CLCC1: variants seen among roughly 807,000 people sequenced by gnomAD.
CLCC1 encodes chloride channel CLIC-like protein 1.
Under a neutral mutation model 63.3 loss-of-function variants are expected in CLCC1, and 39 were observed. The observed-to-expected ratio is 0.62, with a 90% CI of 0.48 to 0.81. The LOEUF (loss-of-function observed/expected upper bound fraction) is 0.81. Ranked by LOEUF, CLCC1 falls within the 30% of genes least tolerant of loss-of-function variation. The pLI is 0.00. For missense variants in CLCC1, 549 were observed against 669.4 expected (o/e 0.82, Z 1.98); for synonymous variants, 217 against 239.8 (o/e 0.90, Z 0.88).
rs1329103823 is a variant in CLCC1 at position 108,962,409 on chromosome 1, A to G, written c.-112T>C. 1 of 152,216 alleles carries G rather than the reference A, an allele frequency of 6.6e-6. No individual in the cohort carries two copies. Among genetic ancestry groups the G allele is most frequent in the African/African-American group, 2.4e-5 (1 of 41,464 alleles). The allele number at this position is 152,216 out of a possible 1,614,324, so 9.4% of individuals were successfully genotyped here. On this transcript the variant is annotated 5_prime_UTR_variant, in exon 2 of 13. An upstream start codon of the reference 5' UTR is lost. Transcript: ENST00000369969. ...TATGCTTATGCAGTTTCTTGGAACC[A>G]TGGCTCTCAAACTTGCGAATTTGCA...
At chr1:108,935,852 G>C (rs1652845504) in intron 11 of CLCC1, among the ~76,000 whole-genome samples, 1 of 152,112 alleles carries the variant, frequency 6.6e-6, no homozygotes, top group Non-Finnish European at 1.5e-5. Context: ...AGGTACAAAG[G>C]CTCTCAAGTT....
chr1:108,951,298 C>T (rs1455787978), intron 2 of CLCC1, among the ~76,000 whole-genome samples: 2 of 152,174 alleles, frequency 1.3e-5, no homozygotes, highest in Admixed American at 6.5e-5. Flanking sequence ...AGGTGGATCG[C>T]TTGAGCCTGG....
chr1:108,934,478 A>G (rs1266655810), intron 12 of CLCC1, 147 bp downstream of exon 12: 6 of 567,776 alleles, frequency 1.1e-5, no homozygotes, highest in Non-Finnish European at 1.8e-5. Context: ...TGAAATGAAA[A>G]GCTTTTACAT....
chr1:108,945,055 T>C (rs931005396), intron 5 of CLCC1, among the ~76,000 whole-genome samples: 1 of 152,240 alleles, frequency 6.6e-6, no homozygotes, highest in Non-Finnish European at 1.5e-5. Flanking sequence ...AATTGATCAA[T>C]ATATAACCTT....
intron 4 of CLCC1, 101 bp from the exon 5 acceptor site, chr1:108,947,819 AGTT>A (rs1338288948): frequency 1.3e-6 from 1 of 765,434 alleles, no homozygotes; most frequent in East Asian, 2.7e-5. Flanking sequence ...GTAAGGAGCT[AGTT>A]GTTTTGATCA....
chr1:108,938,835 A>G (rs1571014502), intron 10 of CLCC1, among the ~76,000 whole-genome samples: 1 of 152,316 alleles, frequency 6.6e-6, no homozygotes, highest in Non-Finnish European at 1.5e-5. Context: ...TAATTTACCA[A>G]GGTTAACACA....
At chr1:108,938,679 T>C (rs1427102729) in intron 10 of CLCC1, among the ~76,000 whole-genome samples, 2 of 152,196 alleles carry the variant, frequency 1.3e-5, no homozygotes, top group South Asian at 2.1e-4. Context: ...CCAAACTCTT[T>C]CTCAGCATAC....
At chr1:108,935,259 TC>T (rs1652726237) in intron 11 of CLCC1, among the ~76,000 whole-genome samples, 1 of 152,242 alleles carries the variant, frequency 6.6e-6, no homozygotes, top group South Asian at 2.1e-4. Flanking sequence ...GACAAATATT[TC>T]TTGAGCATAT....
intron 7 of CLCC1, among the ~76,000 whole-genome samples, chr1:108,942,325 A>G (rs1653957114): frequency 6.6e-6 from 1 of 152,196 alleles, no homozygotes; most frequent in Admixed American, 6.5e-5. Context: ...ATGATATCCT[A>G]TTTTGCACTG....
chr1:108,954,432 G>A (rs1490566978), intron 2 of CLCC1, among the ~76,000 whole-genome samples: 3 of 150,858 alleles, frequency 2.0e-5, no homozygotes, highest in South Asian at 2.1e-4. Flanking sequence ...GGTGGGGGAC[G>A]GAGGCTGCAG....
At chr1:108,940,188 G>T in intron 8 of CLCC1, 46 bp from the exon 9 acceptor site, 2 of 1,319,314 alleles carry the variant, frequency 1.5e-6, no homozygotes, top group Non-Finnish European at 2.2e-6. Flanking sequence ...TTTTAATGTT[G>T]CATTTCATTC....
At chr1:108,950,632 C>G (rs1163405940) in intron 2 of CLCC1, among the ~76,000 whole-genome samples, 184 bp from the exon 3 acceptor site, 1 of 151,962 alleles carries the variant, frequency 6.6e-6, no homozygotes, top group African/African-American at 2.4e-5. Context: ...AGAGGTCCTC[C>G]TGGCTAGCTG....
intron 5 of CLCC1, among the ~76,000 whole-genome samples, chr1:108,945,700 A>G (rs1249508399): frequency 6.6e-6 from 1 of 152,248 alleles, no homozygotes; most frequent in Non-Finnish European, 1.5e-5. Flanking sequence ...GTATTAGTGC[A>G]AACAAGAAAA....
At chr1:108,944,159 T>C (rs1366560123) in intron 5 of CLCC1, 102 bp from the exon 6 acceptor site, 7 of 821,546 alleles carry the variant, frequency 8.5e-6, no homozygotes, top group Non-Finnish European at 1.3e-5. Flanking sequence ...AATATTAGTT[T>C]GCAGTATTTC....
chr1:108,941,280 T>C (rs947498858), intron 8 of CLCC1, 125 bp downstream of exon 8: 80 of 849,944 alleles, frequency 9.4e-5, no homozygotes, highest in Non-Finnish European at 1.3e-4. Context: ...GCTTCTTGCA[T>C]GTTCTTCTGA....
intron 10 of CLCC1, among the ~76,000 whole-genome samples, chr1:108,939,263 A>AATATAGACAGAT: frequency 7.2e-6 from 1 of 138,438 alleles, no homozygotes; most frequent in African/African-American, 3.0e-5. Flanking sequence ...CAGATATATA[A>AATATAGACAGAT]ATATAAATAT....
rs1653820245 is a variant in CLCC1, at chr1:108,941,392, A to G, written c.796+13T>C. 1.2e-6 allele frequency: 2 copies of G among 1,607,952 alleles called. No homozygotes were observed. The highest frequency in any genetic ancestry group is 8.5e-7 in the Non-Finnish European group (1 of 1,175,936). On this transcript the variant is annotated intron_variant, in intron 8 of 12. Coordinates refer to ENST00000369969, the MANE Select transcript of CLCC1 (RefSeq NM_001377458.1). ...TTCTATTCAAAATAAGGACAAGTGC[A>G]CAAACACCTTACCCCAGATACTTCC...
intron 8 of CLCC1, 26 bp from the exon 9 acceptor site, chr1:108,940,168 T>C: frequency 1.4e-6 from 2 of 1,452,268 alleles, no homozygotes; most frequent in South Asian, 1.2e-5. Flanking sequence ...GACAAAACAC[T>C]GATCATTTCT....
Position 108,929,798 on chromosome 1 carries a change from C to T in CLCC1, c.*2749G>A. 1 of 1,613,926 alleles carries T rather than the reference C, an allele frequency of 6.2e-7. No individual in the cohort carries two copies. Among genetic ancestry groups the T allele is most frequent in the Non-Finnish European group, 8.5e-7 (1 of 1,179,870 alleles). The stretch of plus-strand genomic sequence containing the variant: ...GACTTTTTCAGCCTTATTTTACGGT[C>T]CCAGGGAAAGAGAATGGATGAACAG... On this transcript the variant is annotated 3_prime_UTR_variant, in exon 13 of 13. Transcript: ENST00000369969.
Sources: gnomAD v4.1 joint callset for allele counts (sites outside exome capture counted in the v4.1 genomes callset) on GRCh38, gnomAD v4.1.1 for gene constraint, MANE v1.5 for transcripts, NCBI Gene and HGNC (gene_info 2026-07-23, HGNC 2026-07-21) for gene names.